Variants in ZNF550 observed in about 807,000 individuals in gnomAD.
The protein encoded by ZNF550 is zinc finger protein 550.
In ZNF550, 42 loss-of-function variants were observed where a neutral mutation model predicts 40.2. The observed-to-expected ratio is 1.05, with a 90% CI of 0.82 to 1.35. ZNF550 has a LOEUF of 1.35. ZNF550 is among the 40% of genes most tolerant of loss of function. The pLI is 0.00. For synonymous variants in ZNF550, 223 were observed against 198.6 expected (o/e 1.12, Z -1.03); for missense variants, 549 against 525.2 (o/e 1.05, Z -0.44).
chr19:57,545,973 A>T (rs1043614107), intron 4 of ZNF550, among the ~76,000 whole-genome samples: 3 of 152,172 alleles, frequency 2.0e-5, no homozygotes, highest in African/African-American at 7.2e-5. Flanking sequence ...TGATCATGCC[A>T]CTGCACTCTA....
At chr19:57,548,478 C>G (rs186688798) in intron 3 of ZNF550, among the ~76,000 whole-genome samples, 4 of 152,288 alleles carry the variant, frequency 2.6e-5, no homozygotes, top group Admixed American at 2.6e-4. Context: ...TGAAAAACTG[C>G]TCAATATAAT....
intron 4 of ZNF550, chr19:57,544,026 T>C: frequency 1.0e-5 from 10 of 985,436 alleles, no homozygotes; most frequent in Non-Finnish European, 1.2e-5. Flanking sequence ...AGTTCAAAAC[T>C]TCTACTGACT....
rs1160746201 is a variant in ZNF550 at position 57,554,672 on chromosome 19, C to T, written c.154+1559G>A. The T allele has an allele frequency of 6.6e-6, 1 of 152,248 alleles. No individual in the cohort carries two copies. Among genetic ancestry groups the T allele is most frequent in the South Asian group, 2.1e-4 (1 of 4,822 alleles). 9.4% of individuals were successfully genotyped at this position (152,248 alleles called of 1,614,324 possible). ...GACTGGCAGATTCTGAACCATAGCCCAGGATTCCTTCAGACATGTCACAGT... is the reference window on the plus strand; with the variant it reads ...GACTGGCAGATTCTGAACCATAGCCTAGGATTCCTTCAGACATGTCACAGT... On this transcript the variant is annotated intron_variant, in intron 2 of 4. Transcript: ENST00000457177. This position sits in a 1 kb window ranked among gnomAD's most constrained non-coding sequence, Gnocchi z 4.5.
chr19:57,545,414 G>A (rs1326502514), intron 4 of ZNF550, among the ~76,000 whole-genome samples: 3 of 151,950 alleles, frequency 2.0e-5, no homozygotes, highest in Non-Finnish European at 4.4e-5. Flanking sequence ...AAATGCTGAG[G>A]GGGACCTAAA....
intron 3 of ZNF550, among the ~76,000 whole-genome samples, chr19:57,548,798 G>C (rs2090047485): frequency 6.6e-6 from 1 of 152,196 alleles, no homozygotes; most frequent in African/African-American, 2.4e-5. Flanking sequence ...TGCAGTACTA[G>C]GCACAATAGC....
chr19:57,542,232 C>CA (rs1292043607), exon 5 of ZNF550: 1 of 150,718 alleles, frequency 6.6e-6, no homozygotes, highest in Non-Finnish European at 1.5e-5. Context: ...GTCTGGGACA[C>CA]AGTGATACAG....
upstream of ZNF550, among the ~76,000 whole-genome samples, chr19:57,560,066 G>T (rs569266564): frequency 6.6e-5 from 10 of 152,194 alleles, no homozygotes; most frequent in East Asian, 1.9e-3. Context: ...CCTATTATTC[G>T]GATGCCTCAA....
intron 3 of ZNF550, among the ~76,000 whole-genome samples, chr19:57,548,376 T>C (rs2090043418): frequency 6.6e-6 from 1 of 152,124 alleles, no homozygotes; most frequent in African/African-American, 2.4e-5. Context: ...AACCACTCTA[T>C]AGGAAAAAAT....
At chr19:57,546,823 G>T in exon 4 of ZNF550, 1 of 1,412,864 alleles carries the variant, frequency 7.1e-7, no homozygotes, top group Non-Finnish European at 9.2e-7. Flanking sequence ...CTGCTCATGT[G>T]TTAGTTAAGA....
At chr19:57,550,065 T>C (rs1200750403) in intron 3 of ZNF550, among the ~76,000 whole-genome samples, 6 of 152,212 alleles carry the variant, frequency 3.9e-5, no homozygotes, top group Non-Finnish European at 7.3e-5. Flanking sequence ...ATTATTTTCA[T>C]TGCTGCGCTG....
chr19:57,547,208 T>C (rs1412747809), exon 4 of ZNF550: 2 of 1,614,074 alleles, frequency 1.2e-6, no homozygotes, highest in Non-Finnish European at 8.5e-7. Context: ...CCACATGCCA[T>C]GCAATCATAG....
rs757457455 is a variant in ZNF550 at position 57,552,626 on chromosome 19, C to A, written c.250+1G>T. On this transcript the variant is annotated splice_donor_variant, in intron 3 of 4. Transcript: ENST00000457177. LOFTEE classifies it high-confidence loss of function. ...CACATGACCAGCTGGTGGCTGCTTA[C>A]CTGCACAGGTAGCATGTGAGAGGCC... 2.5e-6 allele frequency: 4 copies of A among 1,595,650 alleles called. No individual in the cohort carries two copies. Among genetic ancestry groups the A allele is most frequent in the Non-Finnish European group, 3.4e-6 (4 of 1,178,204 alleles).
At chr19:57,542,252 T>G (rs2089966442) in exon 5 of ZNF550, 1 of 150,790 alleles carries the variant, frequency 6.6e-6, no homozygotes, top group South Asian at 2.1e-4. Flanking sequence ...GAAACACTTT[T>G]GTCCATCTTA....
chr19:57,545,996 G>C (rs905897059), intron 4 of ZNF550, among the ~76,000 whole-genome samples: 1 of 152,254 alleles, frequency 6.6e-6, no homozygotes, highest in African/African-American at 2.4e-5. Flanking sequence ...CTGGGTGACA[G>C]AGCAAGTCCC....
chr19:57,544,224 A>G (rs2089987777), intron 4 of ZNF550: 1 of 985,346 alleles, frequency 1.0e-6, no homozygotes, highest in African/African-American at 1.7e-5. Context: ...CAGGTGTCTC[A>G]TGAGATTCTT....
chr19:57,552,022 A>G (rs1033808595), intron 3 of ZNF550, among the ~76,000 whole-genome samples: 2 of 152,246 alleles, frequency 1.3e-5, no homozygotes, highest in African/African-American at 4.8e-5. Context: ...GAGTCCAGAA[A>G]GAAATGTATG....
chr19:57,546,946 G>A, exon 4 of ZNF550: 1 of 1,580,036 alleles, frequency 6.3e-7, no homozygotes, highest in Non-Finnish European at 8.6e-7. Context: ...TAAAGGCCTT[G>A]CTGTATTCAT....
intron 3 of ZNF550, among the ~76,000 whole-genome samples, 182 bp from the exon 4 acceptor site, chr19:57,548,175 A>C (rs1316348410): frequency 2.0e-5 from 3 of 152,156 alleles, no homozygotes; most frequent in African/African-American, 7.2e-5. Context: ...GACACCATTA[A>C]AGGGAAAATC....
intron 1 of ZNF550, 110 bp from the exon 2 acceptor site, chr19:57,556,467 T>G (rs2090122511): frequency 5.6e-6 from 8 of 1,425,406 alleles, no homozygotes; most frequent in Non-Finnish European, 7.6e-6. Context: ...CTGAATCAAC[T>G]AGGTCTCCTT....
Sources: gnomAD v4.1 joint callset for allele counts (sites outside exome capture counted in the v4.1 genomes callset) on GRCh38, gnomAD v4.1.1 for gene constraint, Gnocchi (gnomAD v3.1) non-coding constraint, MANE v1.5 for transcripts, NCBI Gene and HGNC (gene_info 2026-07-23, HGNC 2026-07-21) for gene names.